KIRREL2: variants seen among roughly 807,000 people sequenced by gnomAD.
The protein encoded by KIRREL2 is kin of IRRE-like protein 2.
In KIRREL2, 56 loss-of-function variants were observed where a neutral mutation model predicts 73.4. The observed-to-expected ratio is 0.76, with a 90% confidence interval of 0.62 to 0.95. The LOEUF (loss-of-function observed/expected upper bound fraction) is 0.95. Among genes scored for constraint, KIRREL2 ranks in the 40% least tolerant of loss-of-function variants. The pLI is 0.00. For synonymous variants in KIRREL2, 407 were observed against 404.0 expected, an observed-to-expected ratio of 1.01 and a Z score of -0.09; for missense variants, 896 against 935.0, an observed-to-expected ratio of 0.96 and a Z score of 0.54.
intron 4 of KIRREL2, 90 bp from the exon 5 acceptor site, chr19:35,859,391 C>A: frequency 8.3e-7 from 1 of 1,199,784 alleles, no homozygotes. Context: ...TGGCCTAAGA[C>A]AATTCTTCTT....
intron 4 of KIRREL2, 66 bp from the exon 5 acceptor site, chr19:35,859,415 G>A: frequency 6.8e-7 from 1 of 1,480,648 alleles, no homozygotes; most frequent in Non-Finnish European, 9.3e-7. Flanking sequence ...ATGTGGCCCA[G>A]GAAAGCCAAA....
chr19:35,860,306 A>G lies in KIRREL2; in HGVS notation c.683A>G (p.Glu228Gly), dbSNP rs371003089. 1.9e-6 allele frequency: 3 copies of G among 1,613,710 alleles called. No individual in the cohort carries two copies. The African/African-American group carries it at 4.0e-5, about 22-fold the overall frequency. ...TGTCCCACCCTCACAGACCCCCCAGAGGTGACTCTGTCTGCTTCGCCACAC... is the reference window on the plus strand; with the variant it reads ...TGTCCCACCCTCACAGACCCCCCAGGGGTGACTCTGTCTGCTTCGCCACAC... Reference protein sequence around the residue: ...AITLSLQYPPEVTLSASPHTV... With the variant: ...AITLSLQYPPGVTLSASPHTV... Residue 228 changes from glutamate (E) to glycine (G), a missense_variant, in exon 6 of 15, where the codon GAG becomes GGG. Transcript: ENST00000360202.
chr19:35,858,208 C>T (rs533059852), intron 2 of KIRREL2, among the ~76,000 whole-genome samples, 200 bp from the exon 3 acceptor site: 4 of 152,230 alleles, frequency 2.6e-5, no homozygotes, highest in African/African-American at 9.6e-5. Context: ...GCTTTCCTTC[C>T]TGACTTTATT....
rs978821492 is a variant in KIRREL2, at chr19:35,861,891, G to A, written c.1377G>A (p.Gly459=). 6 of 1,602,976 alleles carry A rather than the reference G, an allele frequency of 3.7e-6. No homozygotes were observed. In the African/African-American group the frequency reaches 8.0e-5, roughly 21 times the overall value. Reference sequence around the variant, plus strand: ...CATTCCCTGCCCCAGAGAGCCGCGGGGGACTGGGTCCGGGCCTGATCTCTG... The same window carrying A: ...CATTCCCTGCCCCAGAGAGCCGCGGAGGACTGGGTCCGGGCCTGATCTCTG... ...VETFPAPESR[G]GLGPGLISVL... is the part of the protein sequence containing the mutation. The change falls in exon 11 of 15, where the codon GGG becomes GGA. Residue 459 remains glycine (G), a synonymous_variant. Coordinates refer to ENST00000360202, the MANE Select transcript of KIRREL2 (RefSeq NM_199180.4).
chr19:35,858,333 G>T, intron 2 of KIRREL2, 75 bp from the exon 3 acceptor site: 1 of 1,541,836 alleles, frequency 6.5e-7, no homozygotes, highest in Non-Finnish European at 8.9e-7. Context: ...TTCTGGTGGA[G>T]GATGTCTGGG....
chr19:35,858,421 C>T lies in KIRREL2; in HGVS notation c.225C>T (p.Tyr75=). 1.2e-6 allele frequency: 2 copies of T among 1,613,974 alleles called. No individual in the cohort carries two copies. Among genetic ancestry groups the T allele is most frequent in the East Asian group, 2.2e-5 (1 of 44,886 alleles). The stretch of plus-strand genomic sequence containing the variant: ...CCCTGACTCCAGGGTGGTCCCGGTA[C>T]TGGATATCAGGGAATGCAGCCAATG... ...GQRDLPGWSR[Y]WISGNAANGQ... The change falls in exon 3 of 15, where the codon TAC becomes TAT. Residue 75 remains tyrosine, a synonymous_variant. Transcript: ENST00000360202.
chr19:35,861,489 C>T (rs554521817), intron 9 of KIRREL2, 52 bp from the exon 10 acceptor site: 8 of 1,581,314 alleles, frequency 5.1e-6, no homozygotes, highest in East Asian at 4.5e-5. Flanking sequence ...TTGTTACAGC[C>T]TTTGGGGAGG....
chr19:35,863,780 TTTC>T (rs1357686150), intron 13 of KIRREL2, among the ~76,000 whole-genome samples: 1 of 144,490 alleles, frequency 6.9e-6, no homozygotes, highest in African/African-American at 2.6e-5. Context: ...TTTTTCTTTC[TTTC>T]TTTTTTTTGA....
intron 13 of KIRREL2, among the ~76,000 whole-genome samples, chr19:35,864,372 T>A (rs1316642438): frequency 6.6e-6 from 1 of 151,942 alleles, no homozygotes; most frequent in Non-Finnish European, 1.5e-5. Flanking sequence ...GCATTTTTAG[T>A]AGAGACAGAG....
intron 12 of KIRREL2, 145 bp from the exon 13 acceptor site, chr19:35,862,782 T>G: frequency 1.5e-6 from 1 of 683,550 alleles, no homozygotes; most frequent in Non-Finnish European, 2.6e-6. Context: ...AGGGTCACAC[T>G]CCTCGGTGGG....
At chr19:35,852,293 CCTCT>C (rs912753611), upstream of KIRREL2, among the ~76,000 whole-genome samples, 3 of 149,244 alleles carry the variant, frequency 2.0e-5, no homozygotes, top group Non-Finnish European at 4.4e-5. Context: ...TCTGTCTCTT[CCTCT>C]CTCTCTGTCT....
At chr19:35,854,666 C>G (rs1973366215), upstream of KIRREL2, among the ~76,000 whole-genome samples, 1 of 152,130 alleles carries the variant, frequency 6.6e-6, no homozygotes, top group African/African-American at 2.4e-5. Context: ...GACTCTCTCG[C>G]TCTCTATATT....
At chr19:35,866,108 T>TC in intron 14 of KIRREL2, 49 bp from the exon 15 acceptor site, 1 of 1,561,554 alleles carries the variant, frequency 6.4e-7, no homozygotes. Flanking sequence ...GTGACCCTCA[T>TC]CCCCCCTGCA....
chr19:35,859,746 C>T, intron 5 of KIRREL2, 115 bp downstream of exon 5: 1 of 1,235,764 alleles, frequency 8.1e-7, no homozygotes, highest in Non-Finnish European at 1.1e-6. Flanking sequence ...ACTCCTGGAT[C>T]TAAGATAGCA....
At chr19:35,864,589 C>T (rs370124853) in intron 13 of KIRREL2, 59 bp from the exon 14 acceptor site, 16 of 1,429,530 alleles carry the variant, frequency 1.1e-5, no homozygotes, top group Non-Finnish European at 5.9e-6. Context: ...TCCTTGGGGT[C>T]TGGCATTGGG....
intron 11 of KIRREL2, 45 bp downstream of exon 11, chr19:35,862,069 C>G (rs1568466516): frequency 6.6e-7 from 1 of 1,514,706 alleles, no homozygotes; most frequent in Non-Finnish European, 9.0e-7. Context: ...AGTCTAAACC[C>G]CACAAACGCA....
chr19:35,858,599 C>T, intron 3 of KIRREL2, 42 bp downstream of exon 3: 1 of 1,612,212 alleles, frequency 6.2e-7, no homozygotes, highest in Non-Finnish European at 8.5e-7. Context: ...CCCAAGAGGG[C>T]AGCCCGTACT....
rs1296981929 is a variant in KIRREL2, at chr19:35,866,344, G to A, written c.1979G>A (p.Gly660Asp). The A allele has an allele frequency of 1.2e-6, 2 of 1,612,734 alleles. No homozygotes were observed. The highest frequency in any genetic ancestry group is 1.7e-5 in the Admixed American group (1 of 59,974). ...TGCAGACTTTACAGAGCCAGGGCAG[G>A]CTATCTCACCACACCCCACCCTCGA... ...PPCRLYRARAGYLTTPHPRAF... is the reference protein window; with the variant it reads ...PPCRLYRARADYLTTPHPRAF... Residue 660 changes from glycine (G) to aspartate (D), a missense_variant, in exon 15 of 15, where the codon GGC becomes GAC. Physicochemically the swap from Gly to Asp is moderately conservative, Grantham distance 94. Transcript: ENST00000360202.
At position 35,861,875 on chromosome 19, in the gene KIRREL2, C is replaced by T; in HGVS notation, c.1361C>T (p.Ala454Val). The T allele has an allele frequency of 1.2e-5, 19 of 1,595,010 alleles. No homozygotes were observed. Among genetic ancestry groups the T allele is most frequent in the Non-Finnish European group, 1.6e-5 (19 of 1,171,048 alleles). ...CGGTTCCTGGTGGAGACATTCCCTG[C>T]CCCAGAGAGCCGCGGGGGACTGGGT... ...QGRFLVETFP[A>V]PESRGGLGPG... Residue 454 changes from alanine (A) to valine (V), a missense_variant, in exon 11 of 15, where the codon GCC becomes GTC. Transcript: ENST00000360202.
Sources: allele counts gnomAD v4.1 joint callset (sites outside exome capture counted in the v4.1 genomes callset), GRCh38; gene constraint gnomAD v4.1.1; transcripts MANE v1.5; gene names NCBI Gene and HGNC (gene_info 2026-07-23, HGNC 2026-07-21).